The following TMC1 variants were observed in gnomAD, a reference collection of about 807,000 sequenced individuals.
TMC1 encodes the protein transmembrane channel-like protein 1.
A neutral mutation model predicts 105.8 loss-of-function variants in TMC1; 84 were observed. That is an observed-to-expected ratio of 0.79 (90% CI 0.67 to 0.95). The LOEUF (loss-of-function observed/expected upper bound fraction) is 0.95, where lower values mean the gene tolerates loss of function less well. Ranked by LOEUF, TMC1 falls within the 40% of genes least tolerant of loss-of-function variation. TMC1 has a pLI of 0.00. For synonymous variants in TMC1, 315 were observed against 311.5 expected (o/e 1.01, Z -0.12); for missense variants, 817 against 914.1 (o/e 0.89, Z 1.37).
At chr9:72,739,169 T>G (rs12343810) in intron 8 of TMC1, among the ~76,000 whole-genome samples, 34,846 of 152,162 alleles carry the variant, frequency 0.23, 5,073 homozygotes, top group African/African-American at 0.41. Flanking sequence ...AAGGGCCTTC[T>G]CCCAGGTTGC....
At chr9:72,745,980 A>C (rs893234678) in intron 10 of TMC1, among the ~76,000 whole-genome samples, 1 of 152,212 alleles carries the variant, frequency 6.6e-6, no homozygotes, top group African/African-American at 2.4e-5. Flanking sequence ...TAGGCATGTG[A>C]AATTCATTAA....
At chr9:72,626,797 A>G (rs1825355185) in intron 3 of TMC1, among the ~76,000 whole-genome samples, 1 of 152,184 alleles carries the variant, frequency 6.6e-6, no homozygotes, top group African/African-American at 2.4e-5. Context: ...AGGGGTAAGA[A>G]GATGAGAAGA....
At chr9:72,590,078 A>T (rs909092119) in intron 2 of TMC1, among the ~76,000 whole-genome samples, 5 of 152,118 alleles carry the variant, frequency 3.3e-5, no homozygotes, top group African/African-American at 9.7e-5. Context: ...GCACCATTCC[A>T]TCTGCCTCCT....
At chr9:72,674,890 A>G (rs765961723) in intron 5 of TMC1, among the ~76,000 whole-genome samples, 50 of 152,158 alleles carry the variant, frequency 3.3e-4, no homozygotes, top group Non-Finnish European at 4.3e-4. Flanking sequence ...AAATAAGCTA[A>G]TCTCAAATCA....
chr9:72,770,839 G>A (rs937675157), intron 12 of TMC1, among the ~76,000 whole-genome samples: 1 of 152,108 alleles, frequency 6.6e-6, no homozygotes, highest in African/African-American at 2.4e-5. Context: ...AGCAGTGAGT[G>A]AGGCAGGAGA....
intron 18 of TMC1, among the ~76,000 whole-genome samples, chr9:72,808,514 C>T (rs1372637889): frequency 1.3e-5 from 2 of 152,208 alleles, no homozygotes; most frequent in African/African-American, 4.8e-5. Flanking sequence ...AAAATGTACT[C>T]ATGGTCTATC....
At chr9:72,592,481 C>G (rs1051439710) in intron 2 of TMC1, among the ~76,000 whole-genome samples, 1 of 152,186 alleles carries the variant, frequency 6.6e-6, no homozygotes, top group Non-Finnish European at 1.5e-5. Context: ...AGCCTCAGCA[C>G]CTTGCTGTGA....
At chr9:72,742,083 T>C (rs573660317) in intron 9 of TMC1, among the ~76,000 whole-genome samples, 11 of 152,314 alleles carry the variant, frequency 7.2e-5, no homozygotes, top group East Asian at 5.8e-4. Flanking sequence ...ATTATTCATA[T>C]TGAGTCCTTC....
intron 1 of TMC1, among the ~76,000 whole-genome samples, chr9:72,574,892 CA>C (rs1458215730): frequency 6.6e-6 from 1 of 152,142 alleles, no homozygotes; most frequent in African/African-American, 2.4e-5. Context: ...CATCTGTCTC[CA>C]CCATAAAGCT....
intron 1 of TMC1, among the ~76,000 whole-genome samples, chr9:72,552,416 G>A (rs967968940): frequency 2.0e-5 from 3 of 152,134 alleles, no homozygotes; most frequent in Non-Finnish European, 2.9e-5. Context: ...AAGAGGGAGG[G>A]TGGATAGAGG....
At chr9:72,708,330 T>C (rs898662377) in intron 8 of TMC1, among the ~76,000 whole-genome samples, 6 of 152,172 alleles carry the variant, frequency 3.9e-5, no homozygotes, top group Non-Finnish European at 8.8e-5. Context: ...GAGAATTGCA[T>C]TGAATTTGTA....
intron 4 of TMC1, among the ~76,000 whole-genome samples, chr9:72,631,889 T>C (rs1331197828): frequency 2.6e-5 from 4 of 152,080 alleles, no homozygotes; most frequent in Non-Finnish European, 5.9e-5. Flanking sequence ...AGGGCAAGCC[T>C]AAAGGAAAAG....
intron 8 of TMC1, among the ~76,000 whole-genome samples, chr9:72,708,279 T>A (rs1826777610): frequency 6.6e-6 from 1 of 152,130 alleles, no homozygotes; most frequent in Non-Finnish European, 1.5e-5. Context: ...ATTTTAGAAT[T>A]TTTTTTCTAG....
intron 13 of TMC1, among the ~76,000 whole-genome samples, chr9:72,777,568 C>T (rs1468172949): frequency 6.6e-6 from 1 of 152,144 alleles, no homozygotes; most frequent in Non-Finnish European, 1.5e-5. Context: ...TATAGTTGAC[C>T]TTATTTCAAA....
At chr9:72,557,327 T>C (rs567155880) in intron 1 of TMC1, among the ~76,000 whole-genome samples, 2 of 151,886 alleles carry the variant, frequency 1.3e-5, no homozygotes, top group Admixed American at 6.6e-5. Context: ...GCTAAGATCA[T>C]GCCACTGCAC....
At chr9:72,695,436 G>C (rs1206339576) in intron 7 of TMC1, among the ~76,000 whole-genome samples, 2 of 152,122 alleles carry the variant, frequency 1.3e-5, no homozygotes, top group Non-Finnish European at 2.9e-5. Flanking sequence ...AGGCAGGTAG[G>C]AAAAATGTAC....
At chr9:72,598,364 C>T (rs202121692) in intron 2 of TMC1, among the ~76,000 whole-genome samples, 2 of 51,260 alleles carry the variant, frequency 3.9e-5, no homozygotes, top group East Asian at 5.7e-4. Context: ...TTCCCAGGAA[C>T]GTGAATGATA....
intron 10 of TMC1, among the ~76,000 whole-genome samples, chr9:72,745,640 A>G (rs534309890): frequency 6.6e-6 from 1 of 152,292 alleles, no homozygotes; most frequent in African/African-American, 2.4e-5. Flanking sequence ...AACCTATGTA[A>G]GAATATATTA....
chr9:72,556,171 C>T (rs911441244), intron 1 of TMC1, among the ~76,000 whole-genome samples: 2 of 149,868 alleles, frequency 1.3e-5, no homozygotes, highest in Admixed American at 6.7e-5. Context: ...GACTGGAGTA[C>T]AATGGTGCGA....
Sources: gnomAD v4.1 joint callset for allele counts (sites outside exome capture counted in the v4.1 genomes callset) on GRCh38, gnomAD v4.1.1 for gene constraint, MANE v1.5 for transcripts, NCBI Gene and HGNC (gene_info 2026-07-23, HGNC 2026-07-21) for gene names.